Variants in PRKD1 observed in about 807,000 individuals in gnomAD.
The protein encoded by PRKD1 is serine/threonine-protein kinase D1.
A neutral mutation model predicts 95.9 loss-of-function variants in PRKD1; 63 were observed. The ratio of observed to expected loss-of-function variants is 0.66; its 90% confidence interval spans 0.54 to 0.81. The LOEUF is 0.81. Ranked by LOEUF, PRKD1 falls within the 30% of genes least tolerant of loss-of-function variation. PRKD1 has a pLI of 0.00. For synonymous variants in PRKD1, 425 were observed against 423.1 expected, an observed-to-expected ratio of 1.00 and a Z score of -0.05; for missense variants, 1,048 against 1,165.3, an observed-to-expected ratio of 0.90 and a Z score of 1.47.
chr14:29,644,670 TAA>T (rs1273605745), intron 4 of PRKD1, among the ~76,000 whole-genome samples: 1 of 152,142 alleles, frequency 6.6e-6, no homozygotes, highest in African/African-American at 2.4e-5. Flanking sequence ...TTTGAGGTTA[TAA>T]AAAGTGTTTT....
At chr14:29,606,140 G>A (rs978185802) in intron 13 of PRKD1, among the ~76,000 whole-genome samples, 6 of 152,080 alleles carry the variant, frequency 3.9e-5, no homozygotes, top group Non-Finnish European at 5.9e-5. Context: ...AGTCTCCCAA[G>A]TAGCTGGGAT....
rs1884224922 is a variant in PRKD1 at position 29,691,416 on chromosome 14, T to C, written c.404-25208A>G. Among the ~76,000 whole-genome samples, 3 of 152,228 alleles carry C rather than the reference T, an allele frequency of 2.0e-5. No homozygotes were observed. In the South Asian group the frequency reaches 6.2e-4, roughly 31 times the overall value. On this transcript the variant is annotated intron_variant, in intron 2 of 17. Transcript: ENST00000331968. ...GTATTTTAAAAAGTTCCCCAAGTGATTGTAATGAGCAGCCAAAGTTAAAAA... is the reference window on the plus strand; with the variant it reads ...GTATTTTAAAAAGTTCCCCAAGTGACTGTAATGAGCAGCCAAAGTTAAAAA...
At chr14:29,779,356 T>C (rs1888928460) in intron 1 of PRKD1, among the ~76,000 whole-genome samples, 1 of 152,172 alleles carries the variant, frequency 6.6e-6, no homozygotes, top group African/African-American at 2.4e-5. Context: ...TGTCCCTGTT[T>C]TCAGATGACA....
chr14:29,578,842 T>A (rs1892661353), intron 16 of PRKD1, among the ~76,000 whole-genome samples: 1 of 152,128 alleles, frequency 6.6e-6, no homozygotes, highest in African/African-American at 2.4e-5. Flanking sequence ...CATATTTGTA[T>A]GGAAAAAATG....
At chr14:29,725,101 G>A (rs1333028693) in intron 2 of PRKD1, among the ~76,000 whole-genome samples, 1 of 152,132 alleles carries the variant, frequency 6.6e-6, no homozygotes, top group Non-Finnish European at 1.5e-5. Context: ...TTACCTCATA[G>A]CTACTGGACT....
chr14:29,731,634 T>C (rs1251937250), intron 1 of PRKD1, among the ~76,000 whole-genome samples: 1 of 152,220 alleles, frequency 6.6e-6, no homozygotes, highest in African/African-American at 2.4e-5. Flanking sequence ...GTATAAACAA[T>C]GAAACTTGGT....
chr14:29,586,872 ACCCTGGCCT>A (rs1358367030), intron 16 of PRKD1, among the ~76,000 whole-genome samples: 1 of 151,958 alleles, frequency 6.6e-6, no homozygotes, highest in East Asian at 1.9e-4. Context: ...TGATCTGCCC[ACCCTGGCCT>A]CCCAAAGTGC....
intron 4 of PRKD1, among the ~76,000 whole-genome samples, chr14:29,644,307 T>G (rs1208664773): frequency 6.6e-6 from 1 of 152,152 alleles, no homozygotes; most frequent in African/African-American, 2.4e-5. Flanking sequence ...TACTTCAACA[T>G]GAAAATCTGT....
intron 13 of PRKD1, among the ~76,000 whole-genome samples, chr14:29,602,242 G>A (rs875678): frequency 0.43 from 65,204 of 151,622 alleles, 14,554 homozygotes; most frequent in African/African-American, 0.54. Context: ...TTAAGGGAGA[G>A]TGACCTCGGG....
intron 1 of PRKD1, among the ~76,000 whole-genome samples, chr14:29,903,750 C>A (rs1484034487): frequency 6.6e-6 from 1 of 152,124 alleles, no homozygotes; most frequent in Non-Finnish European, 1.5e-5. Flanking sequence ...AAAAGCCTGT[C>A]TATATTTAGA....
At chr14:29,779,941 T>C (rs923059576) in intron 1 of PRKD1, among the ~76,000 whole-genome samples, 9 of 151,990 alleles carry the variant, frequency 5.9e-5, no homozygotes, top group African/African-American at 2.2e-4. Context: ...AAAACAGATA[T>C]ATACACCAAT....
At chr14:29,622,317 G>T in intron 13 of PRKD1, among the ~76,000 whole-genome samples, 1 of 151,932 alleles carries the variant, frequency 6.6e-6, no homozygotes, top group Non-Finnish European at 1.5e-5. Context: ...GAGGACCTCT[G>T]TTTTAGAAGA....
chr14:29,773,113 A>C (rs1468277768), intron 1 of PRKD1, among the ~76,000 whole-genome samples: 1 of 152,204 alleles, frequency 6.6e-6, no homozygotes, highest in Non-Finnish European at 1.5e-5. Flanking sequence ...TTTTTGATAA[A>C]TCCTTCTCCA....
chr14:29,843,230 C>G (rs115837138), intron 1 of PRKD1, among the ~76,000 whole-genome samples: 1 of 152,080 alleles, frequency 6.6e-6, no homozygotes, highest in Admixed American at 6.6e-5. Flanking sequence ...TGTGAAGATA[C>G]AGAGAGAAGA....
At chr14:29,814,191 A>G (rs1413320140) in intron 1 of PRKD1, among the ~76,000 whole-genome samples, 1 of 152,200 alleles carries the variant, frequency 6.6e-6, no homozygotes, top group African/African-American at 2.4e-5. Flanking sequence ...ACCACAAATA[A>G]AACAGTTATT....
In PRKD1 at chr14:29,927,800, C is replaced by A; in HGVS notation, c.-288G>T. 1 of 159,388 alleles carries A rather than the reference C, an allele frequency of 6.3e-6. No individual in the cohort carries two copies. The highest frequency in any genetic ancestry group is 1.4e-5 in the Non-Finnish European group (1 of 73,290). 9.9% of individuals were successfully genotyped at this position (159,388 alleles called of 1,614,324 possible). ...GGCCGCCGGCACTGGGGAGGCGCCG[C>A]CGCCGCCAAGAATCTGCCGCCTGGC... On this transcript the variant is annotated 5_prime_UTR_variant, in exon 1 of 18. Coordinates refer to ENST00000331968, the MANE Select transcript of PRKD1 (RefSeq NM_002742.3).
At chr14:29,664,502 T>A (rs1882371445) in intron 3 of PRKD1, among the ~76,000 whole-genome samples, 1 of 152,162 alleles carries the variant, frequency 6.6e-6, no homozygotes, top group Non-Finnish European at 1.5e-5. Flanking sequence ...GGCCATTACT[T>A]AGAATCTCTC....
intron 1 of PRKD1, among the ~76,000 whole-genome samples, chr14:29,764,429 T>G (rs768713266): frequency 6.6e-6 from 1 of 152,190 alleles, no homozygotes; most frequent in Admixed American, 6.5e-5. Context: ...CTCTCTATGA[T>G]TCAATTTCTG....
intron 13 of PRKD1, among the ~76,000 whole-genome samples, chr14:29,613,006 G>A (rs1378522986): frequency 6.6e-6 from 1 of 152,120 alleles, no homozygotes; most frequent in Admixed American, 6.5e-5. Flanking sequence ...GCTGAGGCAG[G>A]AGAATGGCGT....
Sources: gnomAD v4.1 joint callset for allele counts (sites outside exome capture counted in the v4.1 genomes callset) on GRCh38, gnomAD v4.1.1 for gene constraint, MANE v1.5 for transcripts, NCBI Gene and HGNC (gene_info 2026-07-23, HGNC 2026-07-21) for gene names.